SEMA5A: variants seen among roughly 807,000 people sequenced by gnomAD.
SEMA5A encodes the protein semaphorin-5A.
Under a neutral mutation model 135.5 loss-of-function variants are expected in SEMA5A, and 55 were observed. The ratio of observed to expected loss-of-function variants is 0.41; its 90% confidence interval spans 0.33 to 0.51. The LOEUF is 0.51. Among genes scored for constraint, SEMA5A ranks in the 20% least tolerant of loss-of-function variants. The pLI, the probability that SEMA5A is intolerant of heterozygous loss-of-function variation, is 0.37. For missense variants in SEMA5A, 1,290 were observed against 1,419.9 expected (o/e 0.91, Z 1.47); for synonymous variants, 580 against 546.5 (o/e 1.06, Z -0.85).
intron 3 of SEMA5A, among the ~76,000 whole-genome samples, chr5:9,377,252 T>C (rs746834328): frequency 1.3e-5 from 2 of 152,180 alleles, no homozygotes; most frequent in African/African-American, 4.8e-5. Context: ...AACATAAATA[T>C]ATATTTGTAT....
At chr5:9,141,986 A>G (rs1742088456) in intron 12 of SEMA5A, among the ~76,000 whole-genome samples, 1 of 152,204 alleles carries the variant, frequency 6.6e-6, no homozygotes, top group South Asian at 2.1e-4. Flanking sequence ...AAGTGTTTCA[A>G]TCATGTATCA....
At chr5:9,456,114 G>T (rs1758824531) in intron 1 of SEMA5A, among the ~76,000 whole-genome samples, 1 of 152,282 alleles carries the variant, frequency 6.6e-6, no homozygotes, top group Middle Eastern at 3.4e-3. Context: ...ACTTAGATTG[G>T]GGCATAAATT....
intron 2 of SEMA5A, among the ~76,000 whole-genome samples, chr5:9,403,976 C>T (rs1665441858): frequency 6.6e-6 from 1 of 152,142 alleles, no homozygotes; most frequent in Non-Finnish European, 1.5e-5. Flanking sequence ...GCTCTGTTGC[C>T]CAGGCTGGAG....
At chr5:9,130,101 A>G (rs1049092556) in intron 13 of SEMA5A, among the ~76,000 whole-genome samples, 10 of 152,160 alleles carry the variant, frequency 6.6e-5, no homozygotes, top group Non-Finnish European at 7.4e-5. Context: ...GGAAGATTCA[A>G]TTTTGTTACC....
At position 9,286,683 on chromosome 5, in the gene SEMA5A, T is replaced by G. The variant is rs139936384; in HGVS notation, c.270+31689A>C. Among the ~76,000 whole-genome samples, 31 of 151,272 alleles carry G rather than the reference T, an allele frequency of 2.0e-4. No homozygotes were observed. In the East Asian group the frequency reaches 5.7e-3, roughly 28 times the overall value. ...GTTTTTATTCAATCATTCATTCATA[T>G]TTTCATAATCTCTCTCTCCCTTACA... is the stretch of plus-strand genomic sequence containing the variant. On this transcript the variant is annotated intron_variant, in intron 5 of 22. Coordinates refer to ENST00000382496, the MANE Select transcript of SEMA5A (RefSeq NM_003966.3).
At chr5:9,053,096 A>T (rs1285179766) in intron 19 of SEMA5A, among the ~76,000 whole-genome samples, 1 of 152,226 alleles carries the variant, frequency 6.6e-6, no homozygotes, top group Non-Finnish European at 1.5e-5. Context: ...GCTAAAAAAA[A>T]TTGTGTGTTT....
At chr5:9,229,444 G>C (rs909825945) in intron 6 of SEMA5A, among the ~76,000 whole-genome samples, 1 of 152,152 alleles carries the variant, frequency 6.6e-6, no homozygotes, top group African/African-American at 2.4e-5. Context: ...AGGAGGGCCA[G>C]GGAAGAAACT....
chr5:9,154,466 C>T, intron 12 of SEMA5A, 22 bp downstream of exon 12: 3 of 1,611,060 alleles, frequency 1.9e-6, no homozygotes, highest in Non-Finnish European at 2.5e-6. Context: ...ACCAGTGCAT[C>T]CTGACCCCGG....
rs927982546 is a variant in SEMA5A at position 9,251,616 on chromosome 5, G to A, written c.271-13726C>T. ...CCAGAACCAATATGTAAATGTATAC[G>A]GCAGAAAGCCATCAATCAATCTGGA... On this transcript the variant is annotated intron_variant, in intron 5 of 22. Transcript: ENST00000382496. Among the ~76,000 whole-genome samples, 11 of 151,568 alleles carry A rather than the reference G, an allele frequency of 7.3e-5. No individual in the cohort carries two copies. The South Asian group carries it at 8.3e-4, about 12-fold the overall frequency.
At chr5:9,412,560 T>C (rs937822161) in intron 2 of SEMA5A, among the ~76,000 whole-genome samples, 4 of 149,094 alleles carry the variant, frequency 2.7e-5, no homozygotes, top group Admixed American at 6.8e-5. Flanking sequence ...TTATCTGAAA[T>C]GCTTGGGGCC....
chr5:9,504,131 C>T (rs541791623), intron 1 of SEMA5A, among the ~76,000 whole-genome samples: 45 of 148,686 alleles, frequency 3.0e-4, no homozygotes, highest in African/African-American at 9.6e-4. Context: ...AGGAGAATCG[C>T]TTAAACCCAG....
chr5:9,225,461 C>T (rs11739546), intron 7 of SEMA5A, among the ~76,000 whole-genome samples: 67,056 of 145,334 alleles, frequency 0.46, 16,025 homozygotes, highest in Non-Finnish European at 0.54. Context: ...CCCAGCTACT[C>T]GGGAGGCTGA....
chr5:9,368,542 C>A (rs2126420799), intron 3 of SEMA5A, among the ~76,000 whole-genome samples: 1 of 152,328 alleles, frequency 6.6e-6, no homozygotes, highest in Non-Finnish European at 1.5e-5. Flanking sequence ...ATCTCTCGTA[C>A]ACCTTGCAGT....
chr5:9,531,915 G>T (rs559035291), intron 1 of SEMA5A, among the ~76,000 whole-genome samples: 34 of 152,256 alleles, frequency 2.2e-4, no homozygotes, highest in Middle Eastern at 3.4e-3. Flanking sequence ...CCCATCATAA[G>T]CCCCTCTCTA....
chr5:9,303,096 A>G (rs1256516328), intron 5 of SEMA5A, among the ~76,000 whole-genome samples: 2 of 151,184 alleles, frequency 1.3e-5, no homozygotes, highest in Non-Finnish European at 2.9e-5. Context: ...ACACACACAC[A>G]TACACACACA....
At chr5:9,378,292 A>G (rs1473739702) in intron 3 of SEMA5A, among the ~76,000 whole-genome samples, 1 of 152,122 alleles carries the variant, frequency 6.6e-6, no homozygotes, top group Non-Finnish European at 1.5e-5. Flanking sequence ...ATACGTAAAG[A>G]GTTGATGAAG....
chr5:9,052,622 T>C (rs1010623747), intron 19 of SEMA5A, among the ~76,000 whole-genome samples: 1 of 152,152 alleles, frequency 6.6e-6, no homozygotes, highest in Non-Finnish European at 1.5e-5. Flanking sequence ...GTAGAATTCA[T>C]CTTATCTCGT....
At chr5:9,325,252 T>C (rs1422056266) in intron 4 of SEMA5A, among the ~76,000 whole-genome samples, 1 of 148,874 alleles carries the variant, frequency 6.7e-6, no homozygotes, top group Non-Finnish European at 1.5e-5. Context: ...TTTTTTTTTT[T>C]CTCAAATGCC....
chr5:9,444,562 T>C (rs1195549571), intron 1 of SEMA5A, among the ~76,000 whole-genome samples: 2 of 152,240 alleles, frequency 1.3e-5, no homozygotes, highest in Non-Finnish European at 2.9e-5. Flanking sequence ...TGTATAGATA[T>C]ACCACAGTTT....
Sources: gnomAD v4.1 joint callset for allele counts (sites outside exome capture counted in the v4.1 genomes callset) on GRCh38, gnomAD v4.1.1 for gene constraint, MANE v1.5 for transcripts, NCBI Gene and HGNC (gene_info 2026-07-23, HGNC 2026-07-21) for gene names.